ELOVL1: variants seen among roughly 807,000 people sequenced by gnomAD.
The protein encoded by ELOVL1 is ELOVL fatty acid elongase 1.
Under a neutral mutation model 37.8 loss-of-function variants are expected in ELOVL1, and 10 were observed. That is an observed-to-expected ratio of 0.26 (90% CI 0.16 to 0.45). The LOEUF is 0.45. Ranked by LOEUF, ELOVL1 falls within the 20% of genes least tolerant of loss-of-function variation. The pLI is 1.00. For synonymous variants in ELOVL1, 133 were observed against 123.8 expected, an observed-to-expected ratio of 1.07 and a Z score of -0.49; for missense variants, 256 against 352.7, an observed-to-expected ratio of 0.73 and a Z score of 2.20.
In ELOVL1 at chr1:43,363,833, G is replaced by A. The variant is rs1189677679; in HGVS notation, c.*83C>T. 15 of 1,278,110 alleles carry A rather than the reference G, an allele frequency of 1.2e-5. No individual in the cohort carries two copies. The highest frequency in any genetic ancestry group is 1.6e-5 in the Non-Finnish European group (14 of 886,152). 79.2% of individuals were successfully genotyped at this position (1,278,110 alleles called of 1,614,324 possible). ...GACCACATAAGCCTTGGTCACAGGTGTAGGTGGAGAGGGCACTGACGGACA... is the reference window on the plus strand; with the variant it reads ...GACCACATAAGCCTTGGTCACAGGTATAGGTGGAGAGGGCACTGACGGACA... On this transcript the variant is annotated 3_prime_UTR_variant, in exon 8 of 8. Transcript: ENST00000372458.
chr1:43,366,888 G>T (rs1302575500), intron 1 of ELOVL1, among the ~76,000 whole-genome samples: 1 of 152,094 alleles, frequency 6.6e-6, no homozygotes, highest in East Asian at 1.9e-4. Context: ...CCAGACCCAG[G>T]AGAGCATGGT....
rs1394389268 is a variant in ELOVL1 at position 43,364,948 on chromosome 1, T to C, written c.298A>G (p.Asn100Asp). 1 of 1,613,972 alleles carries C rather than the reference T, an allele frequency of 6.2e-7. No individual in the cohort carries two copies. The highest frequency in any genetic ancestry group is 8.5e-7 in the Non-Finnish European group (1 of 1,179,948). ...TWRCDPVDYS[N>D]SPEALRMVRV... ...CTTACCCTAAGTGCCTCAGGGCTGT[T>C]GGAATAGTCCACAGGGTCACAGCGC... The change falls in exon 4 of 8, where the codon AAC becomes GAC. Residue 100 changes from asparagine to aspartate, a missense_variant. Physicochemically the swap from Asn to Asp is conservative, Grantham distance 23 (BLOSUM62 1). Coordinates refer to ENST00000372458, the MANE Select transcript of ELOVL1 (RefSeq NM_022821.4). The surrounding 1 kb of genome is among the most constrained non-coding windows in gnomAD (Gnocchi z 5.2).
chr1:43,365,320 G>C lies in ELOVL1; in HGVS notation c.103C>G (p.Leu35Val), dbSNP rs937682878. ...AGAACGAAGTACACGTAGGTCAGGA[G>C]AATGGAGGTCATTAGCAAGGGGGAC... ...MGSPLLMTSI[L>V]LTYVYFVLSL... The change falls in exon 3 of 8, where the codon CTC (leucine) becomes GTC (valine). Residue 35 changes from leucine (L) to valine (V), a missense_variant. Coordinates refer to ENST00000372458, the MANE Select transcript of ELOVL1 (RefSeq NM_022821.4). 7.4e-6 allele frequency: 12 copies of C among 1,613,796 alleles called. No individual in the cohort carries two copies. Among genetic ancestry groups the C allele is most frequent in the Non-Finnish European group, 1.0e-5 (12 of 1,179,944 alleles).
rs1473389720 is a variant in ELOVL1, at chr1:43,364,384, G to A, written c.558C>T (p.Ala186=). The stretch of plus-strand genomic sequence containing the variant: ...GGTAGGGTTGTGCCACAGGGCCAAA[G>A]GCAGATAATCCGTAGTACAGGTACA... ...VIMYLYYGLS[A]FGPVAQPYLW... The change falls in exon 7 of 8, where the codon GCC becomes GCT. Residue 186 remains alanine, a synonymous_variant. Transcript: ENST00000372458. This position sits in a 1 kb window ranked among gnomAD's most constrained non-coding sequence, Gnocchi z 5.2. The A allele has an allele frequency of 1.9e-6, 3 of 1,614,170 alleles. No homozygotes were observed. In the South Asian group the frequency reaches 3.3e-5, roughly 18 times the overall value.
Position 43,363,690 on chromosome 1 carries a change from G to A in ELOVL1, c.*226C>T. 1.8e-6 allele frequency: 1 copy of A among 568,242 alleles called. No individual in the cohort carries two copies. The highest frequency in any genetic ancestry group is 3.1e-6 in the Non-Finnish European group (1 of 317,810). The allele number at this position is 568,242 out of a possible 1,614,324, so 35.2% of individuals were successfully genotyped here. A position where few individuals can be genotyped will look rare whatever the true frequency, so the allele number is the denominator to read the frequency against. ...CCTTTTAGCCCCCAGCTCTGGAGTG[G>A]CAGACAGCAATGAGGCCACATCCCT... On this transcript the variant is annotated 3_prime_UTR_variant, in exon 8 of 8. Transcript: ENST00000372458.
chr1:43,365,525 G>A, intron 2 of ELOVL1, 39 bp downstream of exon 2: 2 of 1,614,090 alleles, frequency 1.2e-6, no homozygotes, highest in Non-Finnish European at 1.7e-6. Context: ...AGGGATCCCG[G>A]GAAAGAAGGA....
Position 43,364,663 on chromosome 1 carries a change from G to T in ELOVL1, c.376-16C>A, listed in dbSNP as rs1161615814. 6.2e-7 allele frequency: 1 copy of T among 1,614,038 alleles called. No individual in the cohort carries two copies. Among genetic ancestry groups the T allele is most frequent in the East Asian group, 2.2e-5 (1 of 44,890 alleles). On this transcript the variant is annotated splice_polypyrimidine_tract_variant and intron_variant, in intron 5 of 7. Transcript: ENST00000372458. The surrounding 1 kb of genome is among the most constrained non-coding windows in gnomAD (Gnocchi z 5.2). ...TAAAGATCACCTGAGAGAAGAGTGA[G>T]GGAAGGGGATTCAGAACCTGGGCTT...
chr1:43,365,987 C>T (rs754958665), intron 1 of ELOVL1, among the ~76,000 whole-genome samples: 8 of 152,022 alleles, frequency 5.3e-5, no homozygotes, highest in African/African-American at 1.9e-4. Flanking sequence ...TCTTGAACTC[C>T]GTCTCCCTTC....
intron 1 of ELOVL1, chr1:43,367,004 G>A (rs1647258353): frequency 6.6e-6 from 1 of 152,300 alleles, no homozygotes; most frequent in South Asian, 2.1e-4. Flanking sequence ...CAGATGCCAA[G>A]TGAAGAGGCG....
Position 43,364,424 on chromosome 1 carries a change from G to A in ELOVL1, c.518C>T (p.Ser173Phe). 1.9e-6 allele frequency: 3 copies of A among 1,614,178 alleles called. No individual in the cohort carries two copies. The highest frequency in any genetic ancestry group is 1.1e-5 in the South Asian group (1 of 91,088). ...GTACAGGTACATTATGACATGCACG[G>A]AAGAGTTTATCATGGCATGGAAAGA... ...MGSFHAMINS[S>F]VHVIMYLYYG... The change falls in exon 7 of 8, where the codon TCC (serine) becomes TTC (phenylalanine). Residue 173 changes from serine (S) to phenylalanine (F), a missense_variant. By Grantham distance (155) the Ser-to-Phe change is radical (BLOSUM62 -2). Transcript: ENST00000372458. The surrounding 1 kb of genome is among the most constrained non-coding windows in gnomAD (Gnocchi z 5.2).
In ELOVL1 at chr1:43,364,222, T is replaced by C. The variant is rs888434561; in HGVS notation, c.619-85A>G. 6.2e-6 allele frequency: 10 copies of C among 1,607,114 alleles called. No homozygotes were observed. Among genetic ancestry groups the C allele is most frequent in the Non-Finnish European group, 6.8e-6 (8 of 1,176,178 alleles). The stretch of plus-strand genomic sequence containing the variant: ...GGTAGAGAAAGAGACAAACGTTGAG[T>C]AGGGAGAGATGGGGTCAAAGGTGAG... On this transcript the variant is annotated intron_variant, in intron 7 of 7. Transcript: ENST00000372458. The surrounding 1 kb of genome is among the most constrained non-coding windows in gnomAD (Gnocchi z 5.2).
rs1234126342 is a variant in ELOVL1 at position 43,363,716 on chromosome 1, G to A, written c.*200C>T. 1 of 593,532 alleles carries A rather than the reference G, an allele frequency of 1.7e-6. No individual in the cohort carries two copies. The highest frequency in any genetic ancestry group is 3.0e-6 in the Non-Finnish European group (1 of 334,680). The allele number at this position is 593,532 out of a possible 1,614,324, so 36.8% of individuals were successfully genotyped here. A position where few individuals can be genotyped will look rare whatever the true frequency, so the allele number is the denominator to read the frequency against. On this transcript the variant is annotated 3_prime_UTR_variant, in exon 8 of 8. Transcript: ENST00000372458. The stretch of plus-strand genomic sequence containing the variant: ...CAGACAGCAATGAGGCCACATCCCT[G>A]GAGCTGCCCGGGGGAAGTGGGTGAG...
At chr1:43,365,671 C>T (rs941256599) in intron 1 of ELOVL1, 48 bp from the exon 2 acceptor site, 2 of 1,574,178 alleles carry the variant, frequency 1.3e-6, no homozygotes, top group Non-Finnish European at 1.7e-6. Flanking sequence ...ACTGCACACC[C>T]CCATCCCACA....
Position 43,363,995 on chromosome 1 carries a change from G to C in ELOVL1, c.761C>G (p.Ser254Cys). Reference protein sequence around the residue: ...FMLFSNFWYHSYTKGKRLPRA... With the variant: ...FMLFSNFWYHCYTKGKRLPRA... ...GGGCAGCCGCTTGCCCTTGGTATAA[G>C]AGTGATACCAGAAGTTGGAGAACAG... Residue 254 changes from serine (S) to cysteine (C), a missense_variant, in exon 8 of 8, where the codon TCT becomes TGT. By Grantham distance (112) the Ser-to-Cys change is moderately radical. Coordinates refer to ENST00000372458, the MANE Select transcript of ELOVL1 (RefSeq NM_022821.4). The C allele has an allele frequency of 1.2e-6, 2 of 1,614,198 alleles. No individual in the cohort carries two copies. The highest frequency in any genetic ancestry group is 1.7e-6 in the Non-Finnish European group (2 of 1,180,036).
chr1:43,364,671 G>A lies in ELOVL1; in HGVS notation c.376-24C>T. On this transcript the variant is annotated intron_variant, in intron 5 of 7. Coordinates refer to ENST00000372458, the MANE Select transcript of ELOVL1 (RefSeq NM_022821.4). This position sits in a 1 kb window ranked among gnomAD's most constrained non-coding sequence, Gnocchi z 5.2. ...ACCTGAGAGAAGAGTGAGGGAAGGG[G>A]ATTCAGAACCTGGGCTTCTCCACCT... is the stretch of plus-strand genomic sequence containing the variant. 1 of 1,614,116 alleles carries A rather than the reference G, an allele frequency of 6.2e-7. No homozygotes were observed. The highest frequency in any genetic ancestry group is 8.5e-7 in the Non-Finnish European group (1 of 1,179,978).
In ELOVL1 at chr1:43,364,904, G is replaced by T; in HGVS notation, c.318+24C>A. ...TGGTCATATCTACCAGGTTGCTTATGACCTAGCCCCAGCCCCTACTTACCC... is the reference window on the plus strand; with the variant it reads ...TGGTCATATCTACCAGGTTGCTTATTACCTAGCCCCAGCCCCTACTTACCC... On this transcript the variant is annotated intron_variant, in intron 4 of 7. Transcript: ENST00000372458. This position sits in a 1 kb window ranked among gnomAD's most constrained non-coding sequence, Gnocchi z 5.2. 1 of 1,613,980 alleles carries T rather than the reference G, an allele frequency of 6.2e-7. No individual in the cohort carries two copies. The highest frequency in any genetic ancestry group is 1.1e-5 in the South Asian group (1 of 91,016).
At chr1:43,366,690 G>A (rs762689276) in intron 1 of ELOVL1, 1 of 152,378 alleles carries the variant, frequency 6.6e-6, no homozygotes, top group Admixed American at 6.5e-5. Context: ...ACTTCAGAAT[G>A]GGTACAATCA....
chr1:43,364,642 G>C lies in ELOVL1; in HGVS notation c.381C>G (p.Ile127Met). The C allele has an allele frequency of 6.2e-7, 1 of 1,614,164 alleles. No individual in the cohort carries two copies. Among genetic ancestry groups the C allele is most frequent in the Non-Finnish European group, 8.5e-7 (1 of 1,180,022 alleles). Residue 127 changes from isoleucine (I) to methionine (M), a missense_variant, in exon 6 of 8, where the codon ATC becomes ATG. Transcript: ENST00000372458. The surrounding 1 kb of genome is among the most constrained non-coding windows in gnomAD (Gnocchi z 5.2). ...SKFIELMDTVIFILRKKDGQV... is the reference protein window; with the variant it reads ...SKFIELMDTVMFILRKKDGQV... ...GCCCGTCTTTCTTTCGGAGAATAAA[G>C]ATCACCTGAGAGAAGAGTGAGGGAA...
At position 43,364,482 on chromosome 1, in the gene ELOVL1, G is replaced by A; in HGVS notation, c.482-22C>T. 2 of 1,614,104 alleles carry A rather than the reference G, an allele frequency of 1.2e-6. No homozygotes were observed. Among genetic ancestry groups the A allele is most frequent in the African/African-American group, 1.3e-5 (1 of 75,028 alleles). ...CCTCCTGTGAGTGGACAATAAGACA[G>A]GGTCAGCAGAGTCCAGCCTCTGGTG... On this transcript the variant is annotated intron_variant, in intron 6 of 7. Transcript: ENST00000372458. The surrounding 1 kb of genome is among the most constrained non-coding windows in gnomAD (Gnocchi z 5.2).
Sources: allele counts gnomAD v4.1 joint callset (sites outside exome capture counted in the v4.1 genomes callset), GRCh38; gene constraint gnomAD v4.1.1; non-coding constraint Gnocchi (gnomAD v3.1); transcripts MANE v1.5; gene names NCBI Gene and HGNC (gene_info 2026-07-23, HGNC 2026-07-21).